The following MAGI1 variants were observed in gnomAD, a reference collection of about 807,000 sequenced individuals.
The protein encoded by MAGI1 is membrane-associated guanylate kinase, WW and PDZ domain-containing protein 1.
Under a neutral mutation model 139.9 loss-of-function variants are expected in MAGI1, and 58 were observed. That is an observed-to-expected ratio of 0.41 (90% confidence interval 0.34 to 0.52). MAGI1 has a LOEUF of 0.52. Among genes scored for constraint, MAGI1 ranks in the 20% least tolerant of loss-of-function variants. The pLI, the probability that MAGI1 is intolerant of heterozygous loss-of-function variation, is 0.12. For missense variants in MAGI1, 1,874 were observed against 1,901.6 expected, an observed-to-expected ratio of 0.99 and a Z score of 0.27; for synonymous variants, 812 against 737.9, an observed-to-expected ratio of 1.10 and a Z score of -1.63.
chr3:65,951,838 G>C (rs184955127), intron 1 of MAGI1, among the ~76,000 whole-genome samples: 31 of 152,272 alleles, frequency 2.0e-4, no homozygotes, highest in African/African-American at 5.8e-4. Context: ...AAATATGTAA[G>C]AGTCCAAAGG....
intron 1 of MAGI1, among the ~76,000 whole-genome samples, chr3:66,016,555 A>C (rs944778730): frequency 1.3e-5 from 2 of 152,218 alleles, no homozygotes; most frequent in African/African-American, 4.8e-5. Context: ...TACTCTGGCA[A>C]TATGTGCCCC....
chr3:65,628,938 C>T (rs1038145339), intron 1 of MAGI1, among the ~76,000 whole-genome samples: 3 of 152,076 alleles, frequency 2.0e-5, no homozygotes, highest in African/African-American at 4.8e-5. Flanking sequence ...ATTAGGTTAT[C>T]TAGTTATTCT....
intron 1 of MAGI1, among the ~76,000 whole-genome samples, chr3:65,641,380 C>T (rs2084977240): frequency 6.6e-6 from 1 of 152,160 alleles, no homozygotes; most frequent in African/African-American, 2.4e-5. Context: ...CCTAGGCCCC[C>T]ACTTCAGACC....
chr3:65,471,930 T>C (rs1950581960), intron 4 of MAGI1, among the ~76,000 whole-genome samples: 1 of 152,046 alleles, frequency 6.6e-6, no homozygotes, highest in African/African-American at 2.4e-5. Flanking sequence ...GAGAATTAAG[T>C]CCACACAGAG....
chr3:65,970,470 C>A (rs528675943), intron 1 of MAGI1, among the ~76,000 whole-genome samples: 105 of 149,614 alleles, frequency 7.0e-4, no homozygotes, highest in Non-Finnish European at 9.9e-4. Context: ...AGTGTACATG[C>A]AAAAGTGGCT....
rs1173800255 is a variant in MAGI1, at chr3:65,810,512, CACA to C, written c.314-188427_314-188425del. On this transcript the variant is annotated intron_variant, in intron 1 of 22. Coordinates refer to ENST00000402939, the MANE Select transcript of MAGI1 (RefSeq NM_001033057.2). Reference sequence around the variant, plus strand: ...CTGCTCCAGACAAGAAACTCGTAACCACAACAACAAATGGAAAACGAACTCCAG... The same window carrying C: ...CTGCTCCAGACAAGAAACTCGTAACCACAACAAATGGAAAACGAACTCCAG... Among the ~76,000 whole-genome samples the C allele has an allele frequency of 4.6e-5, 7 of 152,332 alleles. No individual in the cohort carries two copies. In the East Asian group the frequency reaches 1.4e-3, roughly 29 times the overall value.
intron 1 of MAGI1, among the ~76,000 whole-genome samples, chr3:65,651,826 C>T (rs566402266): frequency 6.6e-6 from 1 of 152,294 alleles, no homozygotes; most frequent in South Asian, 2.1e-4. Context: ...ATAAGTCAAC[C>T]TTCTCCCCAC....
chr3:65,691,747 T>C (rs1439937897), intron 1 of MAGI1, among the ~76,000 whole-genome samples: 1 of 152,212 alleles, frequency 6.6e-6, no homozygotes, highest in African/African-American at 2.4e-5. Context: ...CCAGAAGTTA[T>C]ACTGTCAGCA....
At position 65,693,789 on chromosome 3, in the gene MAGI1, T is replaced by C. The variant is rs143686264; in HGVS notation, c.314-71701A>G. On this transcript the variant is annotated intron_variant, in intron 1 of 22. Transcript: ENST00000402939. ...CCCAGGCTGGAGTGCAGTGGCACGA[T>C]CTTGACTCACTGCAACTTCTACATC... Among the ~76,000 whole-genome samples the C allele has an allele frequency of 8.7e-4, 133 of 152,232 alleles. 3 individuals are homozygous for C. The East Asian group carries it at 0.018, about 21-fold the overall frequency.
At chr3:65,482,369 T>A (rs1216994842) in intron 3 of MAGI1, among the ~76,000 whole-genome samples, 1 of 152,230 alleles carries the variant, frequency 6.6e-6, no homozygotes, top group African/African-American at 2.4e-5. Context: ...GTCTTTAAAA[T>A]GACACCCATA....
Position 65,548,509 on chromosome 3 carries a change from C to CT in MAGI1, c.431-54879dup, listed in dbSNP as rs1306099660. On this transcript the variant is annotated intron_variant, in intron 2 of 22. Transcript: ENST00000402939. Reference sequence around the variant, plus strand: ...TGAGCCCAGCTTTATGCAAACAACACTCTTTTTTTTTTTTTTTTTTTTTTT... The same window carrying CT: ...TGAGCCCAGCTTTATGCAAACAACACTTCTTTTTTTTTTTTTTTTTTTTTTT... Among the ~76,000 whole-genome samples, 864 of 117,354 alleles carry CT rather than the reference C, an allele frequency of 7.4e-3. 66 individuals carry two copies. Among genetic ancestry groups the CT allele is most frequent in the Non-Finnish European group, 0.01 (626 of 59,900 alleles). 77.0% of individuals were successfully genotyped at this position (117,354 alleles called of 152,430 possible). A position where few individuals can be genotyped will look rare whatever the true frequency, so the allele number is the denominator to read the frequency against.
intron 1 of MAGI1, among the ~76,000 whole-genome samples, chr3:65,879,968 T>A (rs1190207891): frequency 1.3e-5 from 2 of 152,148 alleles, no homozygotes; most frequent in African/African-American, 4.8e-5. Context: ...CTAGAATCTG[T>A]GTGATTAAAA....
At chr3:65,548,569 C>A (rs1016865990) in intron 2 of MAGI1, among the ~76,000 whole-genome samples, 16 of 132,078 alleles carry the variant, frequency 1.2e-4, no homozygotes, top group African/African-American at 4.7e-4. Flanking sequence ...CTCGCCCAGG[C>A]TGGAGTGCAG....
At chr3:65,682,675 T>C (rs1016765906) in intron 1 of MAGI1, among the ~76,000 whole-genome samples, 2 of 152,092 alleles carry the variant, frequency 1.3e-5, no homozygotes, top group African/African-American at 2.4e-5. Flanking sequence ...CTTTAGGATA[T>C]AGGGCCAGAG....
intron 2 of MAGI1, among the ~76,000 whole-genome samples, chr3:65,593,303 G>T (rs1454330132): frequency 6.6e-6 from 1 of 152,132 alleles, no homozygotes; most frequent in Non-Finnish European, 1.5e-5. Flanking sequence ...TACAGTCTTT[G>T]TCAAATTTGT....
Position 65,387,287 on chromosome 3 carries a change from T to A in MAGI1, c.2417-3664A>T, listed in dbSNP as rs1943525654. The A allele has an allele frequency of 7.0e-6, 9 of 1,279,282 alleles. No individual in the cohort carries two copies. The East Asian group carries it at 1.6e-4, about 23-fold the overall frequency. The allele number at this position is 1,279,282 out of a possible 1,614,324, so 79.2% of individuals were successfully genotyped here. On this transcript the variant is annotated intron_variant, in intron 14 of 22. Coordinates refer to ENST00000402939, the MANE Select transcript of MAGI1 (RefSeq NM_001033057.2). Reference sequence around the variant, plus strand: ...TGTACATTCTTTCTCTTAGTTCACTTTAATTTAGTTTTGATTGATAAGGAA... The same window carrying A: ...TGTACATTCTTTCTCTTAGTTCACTATAATTTAGTTTTGATTGATAAGGAA...
chr3:65,576,348 C>T (rs575554721), intron 2 of MAGI1, among the ~76,000 whole-genome samples: 1 of 152,260 alleles, frequency 6.6e-6, no homozygotes, highest in South Asian at 2.1e-4. Context: ...ACATGTGTGA[C>T]ACATTAGCAT....
rs547520804 is a variant in MAGI1 at position 66,010,792 on chromosome 3, T to C, written c.313+27204A>G. ...TCCAAATTTTCTGCACACCACTCACTACCAACTTGGTGTTTACAAAGCACC... is the reference window on the plus strand; with the variant it reads ...TCCAAATTTTCTGCACACCACTCACCACCAACTTGGTGTTTACAAAGCACC... On this transcript the variant is annotated intron_variant, in intron 1 of 22. Transcript: ENST00000402939. Among the ~76,000 whole-genome samples, 401 of 152,318 alleles carry C rather than the reference T, an allele frequency of 2.6e-3. 2 individuals carry two copies. Among genetic ancestry groups the C allele is most frequent in the Non-Finnish European group, 3.9e-3 (267 of 68,048 alleles).
chr3:65,485,152 G>T (rs12054362), intron 3 of MAGI1, among the ~76,000 whole-genome samples: 7 of 152,188 alleles, frequency 4.6e-5, no homozygotes, highest in Non-Finnish European at 7.4e-5. Context: ...CTTTCCAGTC[G>T]GTCAATTACA....
Sources: gnomAD v4.1 joint callset for allele counts (sites outside exome capture counted in the v4.1 genomes callset) on GRCh38, gnomAD v4.1.1 for gene constraint, MANE v1.5 for transcripts, NCBI Gene and HGNC (gene_info 2026-07-23, HGNC 2026-07-21) for gene names.